DOCK3: variants seen among roughly 807,000 people sequenced by gnomAD.
DOCK3 encodes dedicator of cytokinesis 3, also known as dedicator of cytokinesis protein 3.
DOCK3 carries 60 observed loss-of-function variants against 265.6 expected under a neutral mutation model. That is an observed-to-expected ratio of 0.23 (90% CI 0.18 to 0.28). The LOEUF (loss-of-function observed/expected upper bound fraction) is 0.28, where lower values mean the gene tolerates loss of function less well. DOCK3 is among the 10% of genes least tolerant of loss of function. The pLI, the probability that DOCK3 is intolerant of heterozygous loss-of-function variation, is 1.00. For synonymous variants in DOCK3, 881 were observed against 938.0 expected (o/e 0.94, Z 1.11); for missense variants, 1,981 against 2,594.3 (o/e 0.76, Z 5.14).
At position 50,853,927 on chromosome 3, in the gene DOCK3, C is replaced by T. The variant is rs941743454; in HGVS notation, c.162+12212C>T. 4.0e-5 allele frequency among the ~76,000 whole-genome samples: 6 copies of T among 151,270 alleles called. No homozygotes were observed. The South Asian group carries it at 6.3e-4, about 16-fold the overall frequency. On this transcript the variant is annotated intron_variant, in intron 3 of 52. Transcript: ENST00000266037. Reference sequence around the variant, plus strand: ...AGGGGCTGAACTAATTACATTCCCACCAAAAGTTTGTAAGTGTTCCCTTTT... The same window carrying T: ...AGGGGCTGAACTAATTACATTCCCATCAAAAGTTTGTAAGTGTTCCCTTTT...
chr3:50,901,761 G>A (rs2049211946), intron 4 of DOCK3: 4 of 446,014 alleles, frequency 9.0e-6, no homozygotes, highest in African/African-American at 2.0e-5. Context: ...TGGGTGAGGC[G>A]ACACCCTACC....
intron 1 of DOCK3, among the ~76,000 whole-genome samples, chr3:50,707,454 A>T (rs528477812): frequency 6.6e-6 from 1 of 151,550 alleles, no homozygotes; most frequent in South Asian, 2.1e-4. Context: ...AAAAAAAATT[A>T]CCCAGTCCTT....
intron 12 of DOCK3, among the ~76,000 whole-genome samples, chr3:51,174,706 C>T (rs140354159): frequency 7.3e-4 from 111 of 152,200 alleles, no homozygotes; most frequent in African/African-American, 2.4e-3. Flanking sequence ...TGATCCAGGT[C>T]GCTTTGTGTT....
At chr3:50,930,148 A>T (rs189830320) in intron 4 of DOCK3, among the ~76,000 whole-genome samples, 2 of 151,448 alleles carry the variant, frequency 1.3e-5, no homozygotes, top group East Asian at 3.8e-4. Flanking sequence ...AGTTTTTTAT[A>T]GATCTTAATG....
chr3:50,688,565 C>T (rs879456025), intron 1 of DOCK3, among the ~76,000 whole-genome samples: 12 of 152,054 alleles, frequency 7.9e-5, no homozygotes, highest in Non-Finnish European at 1.5e-4. Context: ...TGGGTTCAAG[C>T]GATTCTCCTG....
chr3:50,775,747 A>G (rs2041555995), intron 1 of DOCK3, among the ~76,000 whole-genome samples: 1 of 151,290 alleles, frequency 6.6e-6, no homozygotes, highest in African/African-American at 2.4e-5. Context: ...AACCCCTTCC[A>G]CCCTCCCTCC....
At chr3:51,341,506 G>A in intron 38 of DOCK3, 121 bp downstream of exon 38, 1 of 1,381,974 alleles carries the variant, frequency 7.2e-7, no homozygotes, top group Non-Finnish European at 1.0e-6. Flanking sequence ...GTGGGTGGGT[G>A]CCTATCTATG....
intron 9 of DOCK3, among the ~76,000 whole-genome samples, chr3:51,092,796 A>G (rs917290334): frequency 6.6e-6 from 1 of 152,208 alleles, no homozygotes; most frequent in Non-Finnish European, 1.5e-5. Flanking sequence ...CCCCTCTGGG[A>G]CGAAGCTTCC....
intron 22 of DOCK3, among the ~76,000 whole-genome samples, chr3:51,253,459 C>T (rs1424103607): frequency 4.6e-5 from 7 of 152,090 alleles, no homozygotes; most frequent in Non-Finnish European, 7.4e-5. Context: ...CTCTTTATAC[C>T]TCTGGTAGAA....
chr3:51,361,970 T>C lies in DOCK3; in HGVS notation c.5118T>C (p.Ala1706=), dbSNP rs2086769525. Residue 1706 remains alanine, a synonymous_variant, in exon 48 of 53, where the codon GCT becomes GCC. Transcript: ENST00000266037. This position sits in a 1 kb window ranked among gnomAD's most constrained non-coding sequence, Gnocchi z 4.2. The part of the protein sequence containing the change: ...VMLGDGSMGD[A]PEDLYHHMQL... The stretch of plus-strand genomic sequence containing the variant: ...TGGGTGACGGCTCCATGGGTGATGC[T>C]CCTGAGGACCTGTACCACCACATGC... The C allele has an allele frequency of 1.9e-6, 3 of 1,610,376 alleles. No homozygotes were observed. The highest frequency in any genetic ancestry group is 2.5e-6 in the Non-Finnish European group (3 of 1,178,408).
At chr3:50,764,712 G>T (rs145140238) in intron 1 of DOCK3, among the ~76,000 whole-genome samples, 1 of 152,090 alleles carries the variant, frequency 6.6e-6, no homozygotes, top group Admixed American at 6.6e-5. Flanking sequence ...GGGTGAGGGG[G>T]TGAGGCAGGA....
chr3:51,103,828 C>T (rs2083174695), intron 9 of DOCK3, among the ~76,000 whole-genome samples: 1 of 152,200 alleles, frequency 6.6e-6, no homozygotes, highest in Non-Finnish European at 1.5e-5. Flanking sequence ...AGGATATTCA[C>T]TTATCCAACT....
chr3:50,716,242 AG>A (rs1004538915), intron 1 of DOCK3, among the ~76,000 whole-genome samples: 7 of 151,950 alleles, frequency 4.6e-5, no homozygotes, highest in Non-Finnish European at 8.8e-5. Flanking sequence ...TTTTGGGTGT[AG>A]TTGGCCAGGC....
chr3:51,289,276 A>G (rs1044459260), intron 27 of DOCK3, among the ~76,000 whole-genome samples: 3 of 152,182 alleles, frequency 2.0e-5, no homozygotes, highest in African/African-American at 4.8e-5. Flanking sequence ...ACTAGGGCCT[A>G]TTTGAAGGTG....
At chr3:51,352,259 C>CA (rs1313128424) in intron 40 of DOCK3, among the ~76,000 whole-genome samples, 1 of 152,172 alleles carries the variant, frequency 6.6e-6, no homozygotes, top group African/African-American at 2.4e-5. Flanking sequence ...TATAGATCCA[C>CA]AATTTGTACA....
intron 9 of DOCK3, among the ~76,000 whole-genome samples, chr3:51,094,416 T>C (rs1042101950): frequency 1.1e-4 from 3 of 27,632 alleles, no homozygotes; most frequent in Admixed American, 6.5e-4. Context: ...TGTCCAGGAA[T>C]TTATCCATTT....
At chr3:51,009,475 G>A (rs994386129) in intron 5 of DOCK3, among the ~76,000 whole-genome samples, 12 of 151,914 alleles carry the variant, frequency 7.9e-5, no homozygotes, top group East Asian at 1.9e-4. Context: ...CCCCTTTATC[G>A]TTTTTTATTG....
intron 1 of DOCK3, among the ~76,000 whole-genome samples, chr3:50,722,326 CAG>C (rs1375627650): frequency 3.3e-5 from 5 of 152,198 alleles, no homozygotes; most frequent in East Asian, 1.9e-4. Context: ...CTTTGTGAAG[CAG>C]AGAGAGGTTA....
chr3:51,004,878 G>A (rs1048321998), intron 5 of DOCK3, among the ~76,000 whole-genome samples: 3 of 147,340 alleles, frequency 2.0e-5, no homozygotes, highest in Non-Finnish European at 4.5e-5. Context: ...GTTCATTCAG[G>A]CCTACACATC....
Sources: allele counts gnomAD v4.1 joint callset (sites outside exome capture counted in the v4.1 genomes callset), GRCh38; gene constraint gnomAD v4.1.1; non-coding constraint Gnocchi (gnomAD v3.1); transcripts MANE v1.5; gene names NCBI Gene and HGNC (gene_info 2026-07-23, HGNC 2026-07-21).